COL5A2: variants seen among roughly 807,000 people sequenced by gnomAD.
COL5A2 encodes collagen type V alpha 2 chain.
In COL5A2, 23 loss-of-function variants were observed where a neutral mutation model predicts 208.2. That is an observed-to-expected ratio of 0.11 (90% CI 0.08 to 0.16). The LOEUF (loss-of-function observed/expected upper bound fraction) is 0.16. Among genes scored for constraint, COL5A2 ranks in the 10% least tolerant of loss-of-function variants. The probability of loss-of-function intolerance (pLI) is 1.00; values close to 1 mark genes in which losing one functional copy is unlikely to be tolerated. For synonymous variants in COL5A2, 625 were observed against 628.5 expected (o/e 0.99, Z 0.08); for missense variants, 1,590 against 1,956.4 (o/e 0.81, Z 3.53).
intron 37 of COL5A2, 143 bp downstream of exon 37, chr2:189,053,752 T>C: frequency 1.2e-6 from 1 of 843,482 alleles, no homozygotes; most frequent in Non-Finnish European, 1.9e-6. Flanking sequence ...TTAAGTTTAA[T>C]TAGAAAAGCA....
At chr2:189,286,391 A>C in the COL5A2 span, among the ~76,000 whole-genome samples, 2 of 152,200 alleles carry the variant, frequency 1.3e-5, no homozygotes, top group African/African-American at 4.8e-5. Flanking sequence ...AGTGAATGGA[A>C]AATGTTAGGA....
the COL5A2 span, chr2:189,312,014 G>A: frequency 1.7e-5 from 13 of 751,444 alleles, no homozygotes; most frequent in Non-Finnish European, 2.9e-5. Context: ...CCACAGACTG[G>A]CACATGGCCA....
the COL5A2 span, among the ~76,000 whole-genome samples, chr2:189,415,499 A>G: frequency 9.9e-5 from 15 of 152,078 alleles, 1 homozygote; most frequent in African/African-American, 2.4e-5. Context: ...TAATTGTGTT[A>G]TTGAAGAATT....
Position 189,098,035 on chromosome 2 carries a change from T to TCCCCCCC in COL5A2, c.402+685_402+691dup, listed in dbSNP as rs770630921. On this transcript the variant is annotated intron_variant, in intron 5 of 53. Coordinates refer to ENST00000374866, the MANE Select transcript of COL5A2 (RefSeq NM_000393.5). ...TTGTGCTGATATCTTAAAATGTTTTTCCCCCCCTGGGAAATGGCTGTTGCC... is the reference window on the plus strand; with the variant it reads ...TTGTGCTGATATCTTAAAATGTTTTTCCCCCCCCCCCCCCTGGGAAATGGCTGTTGCC... Among the ~76,000 whole-genome samples the TCCCCCCC allele has an allele frequency of 1.6e-3, 237 of 150,922 alleles. 2 individuals are homozygous for TCCCCCCC. The highest frequency in any genetic ancestry group is 4.7e-3 in the African/African-American group (192 of 40,864).
chr2:189,080,963 G>T, intron 13 of COL5A2, 27 bp downstream of exon 13: 2 of 1,597,520 alleles, frequency 1.3e-6, no homozygotes, highest in Non-Finnish European at 1.7e-6. Context: ...CACAGTATCT[G>T]AGAGGATTAC....
At chr2:189,180,241 A>G (rs2105832892), upstream of COL5A2, among the ~76,000 whole-genome samples, 1 of 152,276 alleles carries the variant, frequency 6.6e-6, no homozygotes, top group Admixed American at 6.5e-5. Flanking sequence ...GAGTATTCTT[A>G]TCCCCTTCTC....
the COL5A2 span, among the ~76,000 whole-genome samples, chr2:189,266,543 A>C: frequency 6.6e-6 from 1 of 152,154 alleles, no homozygotes; most frequent in Non-Finnish European, 1.5e-5. Context: ...TATGATCCTA[A>C]ATCTATGAAG....
chr2:189,331,434 A>G, the COL5A2 span, among the ~76,000 whole-genome samples: 1 of 152,144 alleles, frequency 6.6e-6, no homozygotes, highest in Admixed American at 6.5e-5. Flanking sequence ...TTGCATTCAC[A>G]TGTGTTGAGG....
chr2:189,404,861 G>A, the COL5A2 span, among the ~76,000 whole-genome samples: 1 of 152,184 alleles, frequency 6.6e-6, no homozygotes, highest in East Asian at 1.9e-4. Flanking sequence ...TTGCTGAGTA[G>A]TATTCTACTG....
chr2:189,410,731 T>C, the COL5A2 span, among the ~76,000 whole-genome samples: 1 of 152,228 alleles, frequency 6.6e-6, no homozygotes, highest in East Asian at 1.9e-4. Flanking sequence ...TATGTTTACA[T>C]AACAAAACAA....
At chr2:189,380,840 T>G in the COL5A2 span, among the ~76,000 whole-genome samples, 2 of 152,036 alleles carry the variant, frequency 1.3e-5, no homozygotes, top group African/African-American at 2.4e-5. Flanking sequence ...ATTTTAAAAT[T>G]TGTAATTTGT....
At chr2:189,303,488 G>A in the COL5A2 span, among the ~76,000 whole-genome samples, 1 of 151,994 alleles carries the variant, frequency 6.6e-6, no homozygotes, top group Admixed American at 6.6e-5. Flanking sequence ...CTAAAGAGCT[G>A]GGAACATGAC....
At chr2:189,106,521 G>A (rs1266678143) in intron 2 of COL5A2, among the ~76,000 whole-genome samples, 26 of 150,860 alleles carry the variant, frequency 1.7e-4, no homozygotes, top group Admixed American at 1.6e-3. Context: ...AGGTTTGTAA[G>A]CATACAATTG....
upstream of COL5A2, among the ~76,000 whole-genome samples, chr2:189,228,561 G>GA (rs528392594): frequency 3.8e-3 from 579 of 151,722 alleles, 3 homozygotes; most frequent in Middle Eastern, 0.01. Context: ...GGATAGCCTA[G>GA]AAAAAATGGA....
intron 29 of COL5A2, among the ~76,000 whole-genome samples, chr2:189,062,244 T>C (rs1349667390): frequency 1.3e-5 from 2 of 149,380 alleles, no homozygotes; most frequent in Admixed American, 6.7e-5. Context: ...AGTGCAACGG[T>C]GTAATTTTGG....
rs115758438 is a variant in COL5A2 at position 189,037,270 on chromosome 2, G to C, written c.3926-467C>G. Reference sequence around the variant, plus strand: ...TAGAATGCTATGAATCATTTCATTAGATCTTTTTAAAATTACTCTTCTCAT... The same window carrying C: ...TAGAATGCTATGAATCATTTCATTACATCTTTTTAAAATTACTCTTCTCAT... On this transcript the variant is annotated intron_variant, in intron 51 of 53. Coordinates refer to ENST00000374866, the MANE Select transcript of COL5A2 (RefSeq NM_000393.5). Among the ~76,000 whole-genome samples the C allele has an allele frequency of 3.0e-3, 454 of 152,244 alleles. 2 individuals carry two copies. Among genetic ancestry groups the C allele is most frequent in the African/African-American group, 0.01 (436 of 41,558 alleles).
At chr2:189,210,387 T>C (rs1178697146) in intron 1 of COL5A2, among the ~76,000 whole-genome samples, 2 of 151,846 alleles carry the variant, frequency 1.3e-5, no homozygotes, top group Non-Finnish European at 2.9e-5. Flanking sequence ...AGTCATATTT[T>C]CGTCTGTTTT....
the COL5A2 span, among the ~76,000 whole-genome samples, chr2:189,375,895 G>C: frequency 6.6e-6 from 1 of 152,196 alleles, no homozygotes; most frequent in Non-Finnish European, 1.5e-5. Flanking sequence ...TCCAACTCTT[G>C]CTGGGGAAGC....
the COL5A2 span, among the ~76,000 whole-genome samples, chr2:189,343,386 C>T: frequency 3.3e-5 from 5 of 151,988 alleles, no homozygotes; most frequent in African/African-American, 4.8e-5. Context: ...AGTAAGAAAT[C>T]CTGAACTATC....
Sources: gnomAD v4.1 joint callset for allele counts (sites outside exome capture counted in the v4.1 genomes callset) on GRCh38, gnomAD v4.1.1 for gene constraint, MANE v1.5 for transcripts, NCBI Gene and HGNC (gene_info 2026-07-23, HGNC 2026-07-21) for gene names.